SMYD3: variants seen among roughly 807,000 people sequenced by gnomAD.
SMYD3 encodes SET and MYND domain containing 3, also known as histone-lysine N-methyltransferase SMYD3.
A neutral mutation model predicts 57.7 loss-of-function variants in SMYD3; 36 were observed. That is an observed-to-expected ratio of 0.62 (90% CI 0.48 to 0.82). The LOEUF is 0.82. Among genes scored for constraint, SMYD3 ranks in the 40% least tolerant of loss-of-function variants. The probability of loss-of-function intolerance (pLI) is 0.00; values close to 1 mark genes in which losing one functional copy is unlikely to be tolerated. For synonymous variants in SMYD3, 211 were observed against 195.0 expected (o/e 1.08, Z -0.68); for missense variants, 515 against 538.8 (o/e 0.96, Z 0.44).
intron 10 of SMYD3, among the ~76,000 whole-genome samples, chr1:245,856,829 C>A (rs1163653274): frequency 1.3e-5 from 2 of 152,020 alleles, no homozygotes; most frequent in Non-Finnish European, 2.9e-5. Flanking sequence ...CTGTTGGGGG[C>A]CTGGAGAAAG....
chr1:246,019,440 T>G (rs1340483431), intron 5 of SMYD3, among the ~76,000 whole-genome samples: 3 of 152,252 alleles, frequency 2.0e-5, no homozygotes, highest in Admixed American at 6.5e-5. Context: ...ATATTTTTCA[T>G]GTAGGCAATG....
At chr1:246,394,265 AT>A (rs913553079) in intron 1 of SMYD3, among the ~76,000 whole-genome samples, 19 of 152,268 alleles carry the variant, frequency 1.2e-4, no homozygotes, top group African/African-American at 4.6e-4. Flanking sequence ...GAATGTAAGT[AT>A]TCATTTCCTT....
intron 10 of SMYD3, among the ~76,000 whole-genome samples, chr1:245,856,973 T>A (rs2051275426): frequency 6.6e-6 from 1 of 152,208 alleles, no homozygotes; most frequent in Non-Finnish European, 1.5e-5. Context: ...TTTGCAACAC[T>A]AAGGCTCAGA....
chr1:245,943,209 GT>G (rs58081595), intron 5 of SMYD3, among the ~76,000 whole-genome samples: 84,673 of 115,274 alleles, frequency 0.73, 32,423 homozygotes, highest in Non-Finnish European at 0.85. Context: ...CAGGGGCTGA[GT>G]TTTTTTTTTT....
intron 10 of SMYD3, among the ~76,000 whole-genome samples, chr1:245,834,376 C>T (rs909143211): frequency 6.6e-6 from 1 of 152,176 alleles, no homozygotes. Flanking sequence ...ATGGTCCAGA[C>T]AGGCAGGTAA....
intron 10 of SMYD3, among the ~76,000 whole-genome samples, chr1:245,770,442 A>T (rs765020935): frequency 2.0e-5 from 3 of 152,262 alleles, no homozygotes; most frequent in Non-Finnish European, 2.9e-5. Context: ...TAAATTAGAA[A>T]TAAAGCAGCC....
chr1:246,298,650 T>C (rs2064838140), intron 5 of SMYD3, among the ~76,000 whole-genome samples: 1 of 152,122 alleles, frequency 6.6e-6, no homozygotes, highest in Non-Finnish European at 1.5e-5. Flanking sequence ...AAAAGCTATC[T>C]TTATATAATG....
chr1:246,200,418 C>T (rs976777055), intron 5 of SMYD3, among the ~76,000 whole-genome samples: 2 of 151,632 alleles, frequency 1.3e-5, no homozygotes, highest in Admixed American at 1.3e-4. Flanking sequence ...TGTAAACAGA[C>T]GCCCACTGTG....
At chr1:246,343,305 C>G (rs988302658) in intron 2 of SMYD3, among the ~76,000 whole-genome samples, 1 of 152,222 alleles carries the variant, frequency 6.6e-6, no homozygotes, top group Non-Finnish European at 1.5e-5. Flanking sequence ...CAGCTTCTAG[C>G]TGAATACGGT....
chr1:245,960,208 T>A (rs1282326417), intron 5 of SMYD3, among the ~76,000 whole-genome samples: 1 of 152,264 alleles, frequency 6.6e-6, no homozygotes, highest in South Asian at 2.1e-4. Context: ...AACACGTGCA[T>A]ACTTGACCTT....
chr1:245,925,356 G>C (rs1429987444), intron 7 of SMYD3, among the ~76,000 whole-genome samples: 1 of 152,124 alleles, frequency 6.6e-6, no homozygotes, highest in Non-Finnish European at 1.5e-5. Flanking sequence ...AACACAAAAT[G>C]TCTAGATTTA....
chr1:246,331,720 T>G (rs1346347485), intron 3 of SMYD3, among the ~76,000 whole-genome samples: 1 of 152,230 alleles, frequency 6.6e-6, no homozygotes, highest in Non-Finnish European at 1.5e-5. Flanking sequence ...GCACTGAAGA[T>G]TTACATCATC....
chr1:246,417,544 T>A (rs536493653), intron 1 of SMYD3: 1 of 152,284 alleles, frequency 6.6e-6, no homozygotes, highest in Non-Finnish European at 1.5e-5. Context: ...AGTCAGTTTC[T>A]AGGTGGGGGT....
intron 10 of SMYD3, among the ~76,000 whole-genome samples, chr1:245,774,194 C>A (rs1181673616): frequency 6.6e-6 from 1 of 152,230 alleles, no homozygotes; most frequent in Non-Finnish European, 1.5e-5. Flanking sequence ...CTGCTGGAGT[C>A]TCTGTCCTCC....
chr1:246,149,402 T>C (rs892958813), intron 5 of SMYD3, among the ~76,000 whole-genome samples: 10 of 152,170 alleles, frequency 6.6e-5, no homozygotes, highest in Non-Finnish European at 1.3e-4. Context: ...TGACTGATCC[T>C]CAATTTTAGT....
Position 246,121,432 on chromosome 1 carries a change from CAAAAAAAAAA to C in SMYD3, c.532-191505_532-191496del, listed in dbSNP as rs10646615. Among the ~76,000 whole-genome samples the C allele has an allele frequency of 3.1e-4, 31 of 100,316 alleles. 1 individual carries two copies. In the East Asian group the frequency reaches 9.4e-3, roughly 30 times the overall value. 65.8% of individuals were successfully genotyped at this position (100,316 alleles called of 152,430 possible). ...GAATTTTGAAATTCCTTCCATTTTG[CAAAAAAAAAA>C]AAAAAAAAAAAGCTTTCCTAATTAT... On this transcript the variant is annotated intron_variant, in intron 5 of 11. Coordinates refer to ENST00000490107, the MANE Select transcript of SMYD3 (RefSeq NM_001167740.2).
intron 10 of SMYD3, among the ~76,000 whole-genome samples, chr1:245,783,325 T>C (rs139234841): frequency 6.6e-6 from 1 of 152,250 alleles, no homozygotes; most frequent in Non-Finnish European, 1.5e-5. Flanking sequence ...TAGATAAAAA[T>C]ACACTGGATT....
chr1:246,204,626 T>C (rs1427381046), intron 5 of SMYD3, among the ~76,000 whole-genome samples: 1 of 152,242 alleles, frequency 6.6e-6, no homozygotes, highest in Non-Finnish European at 1.5e-5. Flanking sequence ...TCATGTCACA[T>C]ATATACTCTT....
chr1:245,812,044 G>T (rs2048499361), intron 10 of SMYD3, among the ~76,000 whole-genome samples: 2 of 152,104 alleles, frequency 1.3e-5, no homozygotes, highest in Admixed American at 1.3e-4. Flanking sequence ...CAGGGATATG[G>T]AATGTCATTC....
Sources: gnomAD v4.1 joint callset for allele counts (sites outside exome capture counted in the v4.1 genomes callset) on GRCh38, gnomAD v4.1.1 for gene constraint, MANE v1.5 for transcripts, NCBI Gene and HGNC (gene_info 2026-07-23, HGNC 2026-07-21) for gene names.